The following DRC11 variants were observed in gnomAD, a reference collection of about 807,000 sequenced individuals.
The protein encoded by DRC11 is dynein regulatory complex subunit 11.
At chr2:236,497,116 T>C in the DRC11 span, 50 of 1,406,676 alleles carry the variant, frequency 3.6e-5, no homozygotes, top group African/African-American at 7.7e-4. The surrounding 1 kb of genome is among the most constrained non-coding windows in gnomAD (Gnocchi z 5.1). Flanking sequence ...ACATATCTTA[T>C]TTATAACAAA....
chr2:236,456,693 C>T, the DRC11 span, among the ~76,000 whole-genome samples: 196 of 152,318 alleles, frequency 1.3e-3, 3 homozygotes, highest in East Asian at 0.035. This position sits in a 1 kb window ranked among gnomAD's most constrained non-coding sequence, Gnocchi z 5.4. Context: ...TCGGCCACTG[C>T]CAGAGCTGGC....
the DRC11 span, among the ~76,000 whole-genome samples, chr2:236,376,363 G>A: frequency 6.6e-6 from 1 of 152,296 alleles, no homozygotes; most frequent in Admixed American, 6.5e-5. This position sits in a 1 kb window ranked among gnomAD's most constrained non-coding sequence, Gnocchi z 5.7. Flanking sequence ...GATTTTGGAT[G>A]GAGAAAGACA....
chr2:236,455,178 A>G, the DRC11 span: 1 of 152,018 alleles, frequency 6.6e-6, no homozygotes, highest in Middle Eastern at 3.1e-3. The surrounding 1 kb of genome is among the most constrained non-coding windows in gnomAD (Gnocchi z 5.7). Context: ...ACCACCTACC[A>G]CTCCTCTGCA....
chr2:236,499,036 G>A, the DRC11 span, among the ~76,000 whole-genome samples: 1 of 152,170 alleles, frequency 6.6e-6, no homozygotes, highest in Non-Finnish European at 1.5e-5. This position sits in a 1 kb window ranked among gnomAD's most constrained non-coding sequence, Gnocchi z 4.7. Flanking sequence ...TATGCTAAGG[G>A]GAGGGGGCAG....
At chr2:236,422,553 A>G in the DRC11 span, among the ~76,000 whole-genome samples, 1 of 152,048 alleles carries the variant, frequency 6.6e-6, no homozygotes, top group Admixed American at 6.6e-5. Context: ...AATAAAAGAG[A>G]ATACAAACAA....
chr2:236,319,435 A>G, the DRC11 span, among the ~76,000 whole-genome samples: 1 of 152,218 alleles, frequency 6.6e-6, no homozygotes, highest in African/African-American at 2.4e-5. The surrounding 1 kb of genome is among the most constrained non-coding windows in gnomAD (Gnocchi z 6.7). Flanking sequence ...ACCTTGCTGT[A>G]AACCACTAGA....
the DRC11 span, among the ~76,000 whole-genome samples, chr2:236,409,949 G>A: frequency 6.6e-6 from 1 of 152,174 alleles, no homozygotes; most frequent in African/African-American, 2.4e-5. Flanking sequence ...TTGCATTCCA[G>A]GGATGAAACC....
chr2:236,416,079 CAGAT>C, the DRC11 span, among the ~76,000 whole-genome samples: 6 of 151,936 alleles, frequency 3.9e-5, no homozygotes, highest in African/African-American at 1.5e-4. Flanking sequence ...TGGAAACACT[CAGAT>C]GGAGATGGAT....
the DRC11 span, among the ~76,000 whole-genome samples, chr2:236,313,957 T>C: frequency 6.6e-6 from 1 of 152,166 alleles, no homozygotes; most frequent in African/African-American, 2.4e-5. The surrounding 1 kb of genome is among the most constrained non-coding windows in gnomAD (Gnocchi z 4.5). Context: ...GCATGAGAGA[T>C]CCTCGTGGGG....
At chr2:236,346,974 A>G in the DRC11 span, among the ~76,000 whole-genome samples, 1 of 152,192 alleles carries the variant, frequency 6.6e-6, no homozygotes, top group East Asian at 1.9e-4. Context: ...ACTCCAGTGA[A>G]CACACTGTGC....
chr2:236,374,573 A>G, the DRC11 span, among the ~76,000 whole-genome samples: 7 of 152,224 alleles, frequency 4.6e-5, no homozygotes, highest in Admixed American at 3.3e-4. Flanking sequence ...AGGCCTCAGG[A>G]AACTTACAAT....
At chr2:236,357,837 AAAT>A in the DRC11 span, among the ~76,000 whole-genome samples, 2 of 100,754 alleles carry the variant, frequency 2.0e-5, no homozygotes, top group Admixed American at 1.9e-4. Context: ...TATACTATAT[AAAT>A]ATGTAATATA....
the DRC11 span, among the ~76,000 whole-genome samples, chr2:236,357,149 A>T: frequency 1.6e-5 from 2 of 122,486 alleles, no homozygotes; most frequent in South Asian, 2.4e-4. Context: ...ATATCTATAT[A>T]TTATGTATTC....
the DRC11 span, among the ~76,000 whole-genome samples, chr2:236,476,739 T>G: frequency 1.4e-5 from 2 of 140,632 alleles, no homozygotes; most frequent in Non-Finnish European, 3.1e-5. This position sits in a 1 kb window ranked among gnomAD's most constrained non-coding sequence, Gnocchi z 4.7. Flanking sequence ...TTTTCCTGAT[T>G]GTATTTTTTT....
chr2:236,354,680 C>T, the DRC11 span, among the ~76,000 whole-genome samples: 1 of 152,162 alleles, frequency 6.6e-6, no homozygotes, highest in African/African-American at 2.4e-5. Flanking sequence ...AACCCTGGTC[C>T]CGCCTTGTCC....
the DRC11 span, among the ~76,000 whole-genome samples, chr2:236,358,006 T>G: frequency 1.8e-5 from 2 of 111,072 alleles, no homozygotes; most frequent in East Asian, 5.3e-4. Flanking sequence ...GAATATATAT[T>G]TATAATATAT....
At chr2:236,448,999 A>C in the DRC11 span, among the ~76,000 whole-genome samples, 1 of 151,898 alleles carries the variant, frequency 6.6e-6, no homozygotes, top group Non-Finnish European at 1.5e-5. This position sits in a 1 kb window ranked among gnomAD's most constrained non-coding sequence, Gnocchi z 5.3. Flanking sequence ...AGCTGGGATT[A>C]TAGGTGCGTG....
the DRC11 span, among the ~76,000 whole-genome samples, chr2:236,357,662 TAATACATA>T: frequency 8.7e-6 from 1 of 114,816 alleles, no homozygotes; most frequent in African/African-American, 3.5e-5. Context: ...ATTATATTCA[TAATACATA>T]AATATATATT....
At chr2:236,318,694 A>G in the DRC11 span, among the ~76,000 whole-genome samples, 2 of 152,098 alleles carry the variant, frequency 1.3e-5, no homozygotes, top group African/African-American at 2.4e-5. This position sits in a 1 kb window ranked among gnomAD's most constrained non-coding sequence, Gnocchi z 7.0. Context: ...GTACACGTGC[A>G]TAGTGTGTGG....
Sources: allele counts gnomAD v4.1 joint callset (sites outside exome capture counted in the v4.1 genomes callset), GRCh38; gene constraint gnomAD v4.1.1; non-coding constraint Gnocchi (gnomAD v3.1); transcripts MANE v1.5; gene names NCBI Gene and HGNC (gene_info 2026-07-23, HGNC 2026-07-21).